Variants in ODAD2 observed in about 807,000 individuals in gnomAD.
ODAD2 encodes outer dynein arm docking complex subunit 2.
A neutral mutation model predicts 106.8 loss-of-function variants in ODAD2; 89 were observed. That is an observed-to-expected ratio of 0.83 (90% CI 0.70 to 0.99). The LOEUF is 0.99. Among genes scored for constraint, ODAD2 ranks in the 50% least tolerant of loss-of-function variants. ODAD2 has a pLI of 0.00. For missense variants in ODAD2, 1,168 were observed against 1,238.5 expected, an observed-to-expected ratio of 0.94 and a Z score of 0.85; for synonymous variants, 404 against 436.2, an observed-to-expected ratio of 0.93 and a Z score of 0.92.
At position 27,996,745 on chromosome 10, in the gene ODAD2, G is replaced by A. The variant is rs150023363; in HGVS notation, c.-38-1565C>T. ...AATTTTACCAAGAGCTCAGCATTTTGGAAAATGACACCATTGATGGCAATG... is the reference window on the plus strand; with the variant it reads ...AATTTTACCAAGAGCTCAGCATTTTAGAAAATGACACCATTGATGGCAATG... On this transcript the variant is annotated intron_variant, in intron 1 of 19. Coordinates refer to ENST00000305242, the MANE Select transcript of ODAD2 (RefSeq NM_018076.5). Among the ~76,000 whole-genome samples the A allele has an allele frequency of 1.5e-3, 233 of 152,244 alleles. 1 individual carries two copies. Among genetic ancestry groups the A allele is most frequent in the Non-Finnish European group, 2.7e-3 (182 of 68,004 alleles).
At chr10:27,973,876 T>C (rs147345414) in intron 7 of ODAD2, among the ~76,000 whole-genome samples, 135 of 152,348 alleles carry the variant, frequency 8.9e-4, no homozygotes, top group African/African-American at 3.2e-3. Context: ...TCCACAATGA[T>C]TGAACTAATT....
chr10:27,909,817 G>GA (rs35449629), intron 16 of ODAD2, among the ~76,000 whole-genome samples: 19,601 of 56,092 alleles, frequency 0.35, 5,141 homozygotes, highest in Non-Finnish European at 0.45. Context: ...GTCTTCATTT[G>GA]AAAAAAAAAA....
intron 9 of ODAD2, among the ~76,000 whole-genome samples, chr10:27,966,209 G>A (rs1848478236): frequency 1.3e-5 from 2 of 152,190 alleles, no homozygotes; most frequent in South Asian, 2.1e-4. Flanking sequence ...AAGAGGGAAA[G>A]CCTGAATTCA....
intron 19 of ODAD2, among the ~76,000 whole-genome samples, chr10:27,854,857 T>A (rs1031372130): frequency 1.3e-5 from 2 of 152,088 alleles, no homozygotes; most frequent in Non-Finnish European, 2.9e-5. Context: ...TTGAGCCACA[T>A]AAGAATGTGA....
intron 16 of ODAD2, among the ~76,000 whole-genome samples, chr10:27,915,123 A>G (rs1193705866): frequency 1.3e-5 from 2 of 152,156 alleles, no homozygotes; most frequent in African/African-American, 2.4e-5. Context: ...AAAAGCCACA[A>G]TATAAATGAA....
intron 19 of ODAD2, among the ~76,000 whole-genome samples, chr10:27,831,031 A>T (rs924760311): frequency 6.6e-6 from 1 of 152,176 alleles, no homozygotes; most frequent in South Asian, 2.1e-4. Flanking sequence ...GCACCATGAG[A>T]AAAACACAGT....
intron 1 of ODAD2, among the ~76,000 whole-genome samples, chr10:27,998,079 CG>C (rs1850661754): frequency 6.6e-6 from 1 of 152,152 alleles, no homozygotes; most frequent in African/African-American, 2.4e-5. Context: ...GAAACCCATT[CG>C]GTAATCACAT....
chr10:27,956,988 G>A (rs1847781769), intron 10 of ODAD2: 1 of 152,074 alleles, frequency 6.6e-6, no homozygotes, highest in South Asian at 2.1e-4. Context: ...ACCTTATTTA[G>A]AAATGAGCAT....
At chr10:27,846,057 T>C (rs1838724651) in intron 19 of ODAD2, among the ~76,000 whole-genome samples, 1 of 152,162 alleles carries the variant, frequency 6.6e-6, no homozygotes, top group African/African-American at 2.4e-5. Context: ...TGAACTCAGC[T>C]CTGCACCAAG....
chr10:27,998,930 GCGC>G (rs71391007), intron 1 of ODAD2, 61 bp downstream of exon 1: 4 of 156,378 alleles, frequency 2.6e-5, no homozygotes, highest in East Asian at 1.9e-4. Flanking sequence ...CCTCCCCCGG[GCGC>G]CGCCGCCGCC....
At position 27,907,732 on chromosome 10, in the gene ODAD2, C is replaced by T; in HGVS notation, c.2541G>A (p.Leu847=). The T allele has an allele frequency of 2.5e-6, 4 of 1,613,856 alleles. No individual in the cohort carries two copies. Among genetic ancestry groups the T allele is most frequent in the Non-Finnish European group, 3.4e-6 (4 of 1,179,866 alleles). Residue 847 remains leucine, a synonymous_variant, in exon 17 of 20, where the codon CTG becomes CTA. Transcript: ENST00000305242. ...LDGVRLLWSL[L]KNPHPDVKAS... is the part of the protein sequence containing the mutation. ...CCTTCACGTCTGGGTGAGGATTTTTCAGCAGGGACCACAACAAACGAACTC... is the reference window on the plus strand; with the variant it reads ...CCTTCACGTCTGGGTGAGGATTTTTTAGCAGGGACCACAACAAACGAACTC...
At chr10:27,927,961 TCTAA>T (rs1005107694) in intron 16 of ODAD2, among the ~76,000 whole-genome samples, 1 of 152,214 alleles carries the variant, frequency 6.6e-6, no homozygotes, top group African/African-American at 2.4e-5. Context: ...ATCCCTCTAA[TCTAA>T]CTAAGCTTTA....
intron 16 of ODAD2, among the ~76,000 whole-genome samples, chr10:27,913,778 A>C (rs990718268): frequency 3.3e-5 from 5 of 152,198 alleles, no homozygotes; most frequent in African/African-American, 7.2e-5. Context: ...CAAAACCACA[A>C]GAAGATACTA....
chr10:27,964,454 G>T (rs576723986), intron 9 of ODAD2, among the ~76,000 whole-genome samples: 42 of 152,166 alleles, frequency 2.8e-4, no homozygotes, highest in African/African-American at 1.0e-3. Flanking sequence ...ATGTGTTTTA[G>T]TTCTGTATTA....
chr10:27,938,207 G>A (rs982562445), intron 14 of ODAD2, among the ~76,000 whole-genome samples: 2 of 152,102 alleles, frequency 1.3e-5, no homozygotes, highest in Non-Finnish European at 2.9e-5. Context: ...CCAAAATGCT[G>A]GGATTATAGG....
intron 17 of ODAD2, among the ~76,000 whole-genome samples, chr10:27,862,850 G>A (rs956815728): frequency 6.6e-6 from 1 of 152,046 alleles, no homozygotes; most frequent in African/African-American, 2.4e-5. Context: ...TAAAAATTCA[G>A]TTTCAAAAAA....
chr10:27,904,972 T>G (rs1843481261), intron 17 of ODAD2: 1 of 152,406 alleles, frequency 6.6e-6, no homozygotes, highest in African/African-American at 2.4e-5. Flanking sequence ...ATATTGTTTG[T>G]GTTTATCAAG....
intron 17 of ODAD2, among the ~76,000 whole-genome samples, chr10:27,871,803 G>T (rs955654115): frequency 7.9e-5 from 12 of 152,100 alleles, no homozygotes; most frequent in African/African-American, 2.7e-4. Flanking sequence ...GCCTGCAGCT[G>T]TGTTCTTTGG....
intron 19 of ODAD2, among the ~76,000 whole-genome samples, chr10:27,815,411 T>C (rs1836051617): frequency 6.6e-6 from 1 of 152,154 alleles, no homozygotes; most frequent in Non-Finnish European, 1.5e-5. Context: ...CTGGAATTCC[T>C]ATCTCCAGTC....
Sources: allele counts gnomAD v4.1 joint callset (sites outside exome capture counted in the v4.1 genomes callset), GRCh38; gene constraint gnomAD v4.1.1; transcripts MANE v1.5; gene names NCBI Gene and HGNC (gene_info 2026-07-23, HGNC 2026-07-21).